ZNF536: variants seen among roughly 807,000 people sequenced by gnomAD.
ZNF536 encodes zinc finger protein 536.
Under a neutral mutation model 84.5 loss-of-function variants are expected in ZNF536, and 13 were observed. The ratio of observed to expected loss-of-function variants is 0.15; its 90% CI spans 0.10 to 0.24. The LOEUF is 0.24. Among genes scored for constraint, ZNF536 ranks in the 10% least tolerant of loss-of-function variants. The pLI, the probability that ZNF536 is intolerant of heterozygous loss-of-function variation, is 1.00. For synonymous variants in ZNF536, 811 were observed against 742.5 expected, an observed-to-expected ratio of 1.09 and a Z score of -1.50; for missense variants, 1,536 against 1,747.5, an observed-to-expected ratio of 0.88 and a Z score of 2.16.
chr19:30,378,847 C>G (rs529336168), intron 1 of ZNF536, among the ~76,000 whole-genome samples: 17 of 152,336 alleles, frequency 1.1e-4, no homozygotes, highest in African/African-American at 3.6e-4. Flanking sequence ...TTGTTCACTT[C>G]AAGTTTTGAC....
At chr19:30,438,593 G>A (rs1381671296) in intron 1 of ZNF536, among the ~76,000 whole-genome samples, 1 of 152,226 alleles carries the variant, frequency 6.6e-6, no homozygotes, top group Non-Finnish European at 1.5e-5. Context: ...GAAAGGGAAG[G>A]CTCACTCCCT....
At chr19:30,328,429 C>T (rs1274046474) in intron 2 of ZNF536, among the ~76,000 whole-genome samples, 1 of 152,212 alleles carries the variant, frequency 6.6e-6, no homozygotes, top group Admixed American at 6.5e-5. Context: ...CTCTGTGTAA[C>T]CTGCTCTTGG....
intron 1 of ZNF536, among the ~76,000 whole-genome samples, chr19:30,248,110 A>C (rs2024384172): frequency 6.6e-6 from 1 of 152,240 alleles, no homozygotes; most frequent in African/African-American, 2.4e-5. Context: ...ACCAATAGAA[A>C]ATAGCAGAAG....
intron 1 of ZNF536, among the ~76,000 whole-genome samples, chr19:30,576,216 C>A (rs1019686367): frequency 1.3e-5 from 2 of 152,132 alleles, no homozygotes; most frequent in African/African-American, 2.4e-5. Flanking sequence ...GCGTGGGGGA[C>A]CCATGGGTGG....
intron 1 of ZNF536, among the ~76,000 whole-genome samples, chr19:30,701,304 AACACAC>A (rs1220989420): frequency 6.7e-6 from 1 of 148,256 alleles, no homozygotes; most frequent in African/African-American, 2.5e-5. Context: ...CACATACACA[AACACAC>A]ACAGACACAC....
At chr19:30,524,641 G>T (rs887644390) in intron 2 of ZNF536, among the ~76,000 whole-genome samples, 2 of 152,202 alleles carry the variant, frequency 1.3e-5, no homozygotes, top group African/African-American at 4.8e-5. Context: ...GATTGGTCCA[G>T]TTTGTTCCTG....
At chr19:30,700,228 C>T (rs1489885668) in intron 1 of ZNF536, among the ~76,000 whole-genome samples, 1 of 115,874 alleles carries the variant, frequency 8.6e-6, no homozygotes, top group African/African-American at 3.1e-5. Context: ...TTCTTTCTTT[C>T]TTTCTTTCTT....
At chr19:30,532,426 C>T (rs111431762) in intron 2 of ZNF536, among the ~76,000 whole-genome samples, 4,974 of 152,194 alleles carry the variant, frequency 0.033, 128 homozygotes, top group South Asian at 0.12. Context: ...CCACCATGCC[C>T]GGCCCAATAA....
chr19:30,372,992 T>G (rs1370489574), intron 1 of ZNF536, among the ~76,000 whole-genome samples: 1 of 152,202 alleles, frequency 6.6e-6, no homozygotes, highest in Non-Finnish European at 1.5e-5. Flanking sequence ...GAGCTCCAAA[T>G]TTTGCTTTTA....
intron 1 of ZNF536, among the ~76,000 whole-genome samples, chr19:30,399,820 T>G (rs1426854163): frequency 6.6e-6 from 1 of 151,872 alleles, no homozygotes; most frequent in African/African-American, 2.4e-5. Context: ...CCCAAGTAGC[T>G]GGGATTACAG....
At chr19:30,313,909 G>T (rs1005032444) in intron 2 of ZNF536, among the ~76,000 whole-genome samples, 1 of 152,210 alleles carries the variant, frequency 6.6e-6, no homozygotes, top group African/African-American at 2.4e-5. Context: ...TCCGCACTAT[G>T]CGGACTTCAG....
At chr19:30,476,226 G>A (rs1487905096) in intron 2 of ZNF536, among the ~76,000 whole-genome samples, 13 of 152,032 alleles carry the variant, frequency 8.6e-5, no homozygotes, top group East Asian at 3.9e-4. Flanking sequence ...ACTCCCCAGC[G>A]CACCTGGGAC....
downstream of ZNF536, among the ~76,000 whole-genome samples, chr19:30,560,148 T>C (rs2046110112): frequency 6.6e-6 from 1 of 152,002 alleles, no homozygotes; most frequent in South Asian, 2.1e-4. Flanking sequence ...GCTGGGTGGA[T>C]TCAGTTCTGT....
chr19:30,436,448 T>A lies in ZNF536; in HGVS notation c.-2-7113T>A, dbSNP rs1008267501. On this transcript the variant is annotated intron_variant, in intron 1 of 4. Coordinates refer to ENST00000355537, the MANE Select transcript of ZNF536 (RefSeq NM_014717.3). ...TGTAATTTGTTTGGATGCCCAAATG[T>A]CACCAGTGTTGATTGTAAGAGATCA... 3 of 969,722 alleles carry A rather than the reference T, an allele frequency of 3.1e-6. No individual in the cohort carries two copies. In the African/African-American group the frequency reaches 5.7e-5, roughly 18 times the overall value. 60.1% of individuals were successfully genotyped at this position (969,722 alleles called of 1,614,324 possible).
chr19:30,456,308 C>CTTTTTT (rs11301441), intron 2 of ZNF536, among the ~76,000 whole-genome samples: 117 of 108,026 alleles, frequency 1.1e-3, no homozygotes, highest in Middle Eastern at 9.8e-3. Context: ...TGTTTCTTTT[C>CTTTTTT]TTTTTTTTTT....
At chr19:30,607,710 CA>C (rs11424933) in intron 1 of ZNF536, among the ~76,000 whole-genome samples, 18,962 of 131,430 alleles carry the variant, frequency 0.14, 1,238 homozygotes, top group Admixed American at 0.2. Context: ...TGACATGTCT[CA>C]AAAAAAAAAA....
intron 1 of ZNF536, among the ~76,000 whole-genome samples, chr19:30,578,316 C>T (rs920170649): frequency 2.0e-5 from 3 of 152,200 alleles, no homozygotes; most frequent in African/African-American, 7.2e-5. Context: ...GGAAGGTTGG[C>T]CCGCGAAGCG....
At chr19:30,335,706 C>T (rs1314451801) in intron 2 of ZNF536, among the ~76,000 whole-genome samples, 1 of 152,194 alleles carries the variant, frequency 6.6e-6, no homozygotes, top group Non-Finnish European at 1.5e-5. Flanking sequence ...TCCATAGCTC[C>T]CTGATCTGCC....
At chr19:30,613,273 T>A (rs971688689) in intron 1 of ZNF536, among the ~76,000 whole-genome samples, 5 of 152,220 alleles carry the variant, frequency 3.3e-5, no homozygotes, top group Non-Finnish European at 7.3e-5. Context: ...GGGCAGATAC[T>A]CTGAGACAAC....
Sources: gnomAD v4.1 joint callset for allele counts (sites outside exome capture counted in the v4.1 genomes callset) on GRCh38, gnomAD v4.1.1 for gene constraint, MANE v1.5 for transcripts, NCBI Gene and HGNC (gene_info 2026-07-23, HGNC 2026-07-21) for gene names.